The following ALDH1L1 variants were observed in gnomAD, a reference collection of about 807,000 sequenced individuals.
ALDH1L1 encodes cytosolic 10-formyltetrahydrofolate dehydrogenase.
In ALDH1L1, 68 loss-of-function variants were observed where a neutral mutation model predicts 101.1. That is an observed-to-expected ratio of 0.67 (90% CI 0.55 to 0.82). The LOEUF is 0.82. Among genes scored for constraint, ALDH1L1 ranks in the 40% least tolerant of loss-of-function variants. ALDH1L1 has a pLI of 0.00. For missense variants in ALDH1L1, 1,087 were observed against 1,172.7 expected, an observed-to-expected ratio of 0.93 and a Z score of 1.07; for synonymous variants, 486 against 470.8, an observed-to-expected ratio of 1.03 and a Z score of -0.42.
Position 126,160,463 on chromosome 3 carries a change from C to T in ALDH1L1, c.127+390G>A, listed in dbSNP as rs77319736. On this transcript the variant is annotated intron_variant, in intron 2 of 22. Transcript: ENST00000393434. Reference sequence around the variant, plus strand: ...GTAAGTAGAGCACTATGTGTTTTGACGGCAGCCCCAGCAATGGTGATGCCG... The same window carrying T: ...GTAAGTAGAGCACTATGTGTTTTGATGGCAGCCCCAGCAATGGTGATGCCG... 972 of 186,412 alleles carry T rather than the reference C, an allele frequency of 5.2e-3. 13 individuals are homozygous for T. The highest frequency in any genetic ancestry group is 0.021 in the African/African-American group (884 of 42,494). The allele number at this position is 186,412 out of a possible 1,614,324, so 11.5% of individuals were successfully genotyped here. A position where few individuals can be genotyped will look rare whatever the true frequency, so the allele number is the denominator to read the frequency against.
At chr3:126,188,715 T>A (rs4679211) in intron 1 of ALDH1L1, among the ~76,000 whole-genome samples, 97,416 of 152,032 alleles carry the variant, frequency 0.64, 31,330 homozygotes, top group African/African-American at 0.69. Context: ...TTCCAATAAA[T>A]AGATACCATT....
At chr3:126,155,345 C>A (rs1559958721) in intron 5 of ALDH1L1, 57 bp downstream of exon 5, 2 of 1,527,134 alleles carry the variant, frequency 1.3e-6, no homozygotes, top group East Asian at 4.7e-5. Flanking sequence ...AGGCTGCCCT[C>A]TACAACCCCA....
chr3:126,187,832 C>A (rs1171624753), intron 1 of ALDH1L1, among the ~76,000 whole-genome samples: 1 of 151,988 alleles, frequency 6.6e-6, no homozygotes, highest in Non-Finnish European at 1.5e-5. Context: ...AGAGCAGACC[C>A]AGAACAGAAG....
At chr3:126,110,272 A>C (rs1946037227) in intron 19 of ALDH1L1, 163 bp from the exon 20 acceptor site, 3 of 873,706 alleles carry the variant, frequency 3.4e-6, no homozygotes, top group Non-Finnish European at 5.2e-6. Flanking sequence ...TTCCAGGCTG[A>C]AATCCCAAAT....
chr3:126,129,363 C>A (rs1172233373), intron 14 of ALDH1L1: 2 of 152,342 alleles, frequency 1.3e-5, no homozygotes, highest in African/African-American at 4.8e-5. Context: ...AGGTCCCCTA[C>A]CCTGCAAGGG....
intron 9 of ALDH1L1, among the ~76,000 whole-genome samples, chr3:126,142,178 T>C (rs1300578732): frequency 6.6e-6 from 1 of 152,114 alleles, no homozygotes; most frequent in East Asian, 1.9e-4. Flanking sequence ...GATATATAAC[T>C]AGTAAGGAAA....
chr3:126,131,988 C>T (rs2080318351), intron 12 of ALDH1L1, among the ~76,000 whole-genome samples: 1 of 152,250 alleles, frequency 6.6e-6, no homozygotes. Flanking sequence ...TGCTCCTGAG[C>T]CTGGCATCTC....
At chr3:126,136,600 G>A (rs909107880) in intron 11 of ALDH1L1, among the ~76,000 whole-genome samples, 164 bp downstream of exon 11, 5 of 152,088 alleles carry the variant, frequency 3.3e-5, no homozygotes, top group African/African-American at 1.2e-4. Context: ...CTCCACTCCA[G>A]TAAGGTGGGC....
At chr3:126,190,528 C>A (rs1360343359) in intron 1 of ALDH1L1, among the ~76,000 whole-genome samples, 1 of 152,126 alleles carries the variant, frequency 6.6e-6, no homozygotes, top group African/African-American at 2.4e-5. Context: ...TTTGTTTTTC[C>A]AAATTGGTGC....
At chr3:126,167,948 T>C (rs1458299247) in intron 1 of ALDH1L1, among the ~76,000 whole-genome samples, 1 of 152,182 alleles carries the variant, frequency 6.6e-6, no homozygotes, top group Non-Finnish European at 1.5e-5. Context: ...CATTTTACCT[T>C]AAAGTTAAAA....
chr3:126,124,461 G>A lies in ALDH1L1; in HGVS notation c.1801-10C>T. 2 of 1,607,968 alleles carry A rather than the reference G, an allele frequency of 1.2e-6. No individual in the cohort carries two copies. The highest frequency in any genetic ancestry group is 1.1e-5 in the South Asian group (1 of 90,016). On this transcript the variant is annotated splice_polypyrimidine_tract_variant and intron_variant, in intron 15 of 22. Transcript: ENST00000393434. ...CTGTGAGTGGGGTCACCTGGGTGTG[G>A]GGCCAGGAAAGGAGACTGGGTAAGG...
intron 1 of ALDH1L1, among the ~76,000 whole-genome samples, chr3:126,161,919 C>T (rs1032562657): frequency 7.5e-6 from 1 of 133,188 alleles, no homozygotes; most frequent in African/African-American, 2.9e-5. Flanking sequence ...CTAACAGCAT[C>T]GAATGGTTTC....
At chr3:126,190,916 C>T (rs1416829774) in intron 1 of ALDH1L1, among the ~76,000 whole-genome samples, 1 of 152,162 alleles carries the variant, frequency 6.6e-6, no homozygotes, top group Non-Finnish European at 1.5e-5. Flanking sequence ...CAGGTAAAAG[C>T]AAAAAGCTCT....
At chr3:126,179,392 C>A (rs765157912) in intron 1 of ALDH1L1, among the ~76,000 whole-genome samples, 2 of 152,180 alleles carry the variant, frequency 1.3e-5, no homozygotes, top group Admixed American at 6.5e-5. Flanking sequence ...TTCTAGCACT[C>A]GGGAGGCTGA....
At position 126,105,868 on chromosome 3, in the gene ALDH1L1, A is replaced by C. The variant is rs1184142144; in HGVS notation, c.2511T>G (p.Gly837=). The C allele has an allele frequency of 4.3e-6, 7 of 1,614,176 alleles. No homozygotes were observed. Among genetic ancestry groups the C allele is most frequent in the South Asian group, 2.2e-5 (2 of 91,078 alleles). ...ANATEFGLAS[G]VFTRDINKAL... ...CCTTGTTGATGTCCCTGGTGAAGAC[A>C]CCAGAAGCCAGGCCAAATTCCGTGG... is the stretch of plus-strand genomic sequence containing the variant. The change falls in exon 22 of 23, where the codon GGT becomes GGG. Residue 837 remains glycine (G), a synonymous_variant. Transcript: ENST00000393434.
chr3:126,110,212 A>G, intron 19 of ALDH1L1, 103 bp from the exon 20 acceptor site: 1 of 1,467,192 alleles, frequency 6.8e-7, no homozygotes. Flanking sequence ...GGGAAAGTCC[A>G]CACTCTGTTC....
chr3:126,130,307 AG>A lies in ALDH1L1; in HGVS notation c.1624-15del. 4 of 1,598,808 alleles carry A rather than the reference AG, an allele frequency of 2.5e-6. No homozygotes were observed. Among genetic ancestry groups the A allele is most frequent in the Non-Finnish European group, 2.6e-6 (3 of 1,172,506 alleles). ...GATGGTGGAGCCCTGGAAGAGGAAC[AG>A]GGGCAGTCACCCAGGGGCCCAGGGT... is the stretch of plus-strand genomic sequence containing the variant. On this transcript the variant is annotated splice_polypyrimidine_tract_variant and intron_variant, in intron 13 of 22. Coordinates refer to ENST00000393434, the MANE Select transcript of ALDH1L1 (RefSeq NM_012190.4).
At chr3:126,148,429 G>A (rs2080740733) in intron 8 of ALDH1L1, among the ~76,000 whole-genome samples, 1 of 152,222 alleles carries the variant, frequency 6.6e-6, no homozygotes, top group Non-Finnish European at 1.5e-5. Flanking sequence ...CCACAGGCCA[G>A]GCCCCTCCAC....
At chr3:126,179,162 C>T (rs1322105977) in intron 1 of ALDH1L1, among the ~76,000 whole-genome samples, 1 of 152,226 alleles carries the variant, frequency 6.6e-6, no homozygotes, top group Non-Finnish European at 1.5e-5. Flanking sequence ...CTCCAGGCCT[C>T]CACCTCCTCC....
Sources: gnomAD v4.1 joint callset for allele counts (sites outside exome capture counted in the v4.1 genomes callset) on GRCh38, gnomAD v4.1.1 for gene constraint, MANE v1.5 for transcripts, NCBI Gene and HGNC (gene_info 2026-07-23, HGNC 2026-07-21) for gene names.